The following NTN4 variants were observed in gnomAD, a reference collection of about 807,000 sequenced individuals.
The protein encoded by NTN4 is netrin 4, also known as netrin-4.
NTN4 carries 32 observed loss-of-function variants against 73.6 expected under a neutral mutation model. The ratio of observed to expected loss-of-function variants is 0.44; its 90% CI spans 0.33 to 0.58. The LOEUF (loss-of-function observed/expected upper bound fraction) is 0.58. Ranked by LOEUF, NTN4 falls within the 20% of genes least tolerant of loss-of-function variation. The pLI is 0.04. For missense variants in NTN4, 654 were observed against 798.3 expected (o/e 0.82, Z 2.18); for synonymous variants, 258 against 287.5 (o/e 0.90, Z 1.04).
At chr12:95,698,200 A>G (rs1565888170) in intron 5 of NTN4, among the ~76,000 whole-genome samples, 1 of 152,174 alleles carries the variant, frequency 6.6e-6, no homozygotes. Flanking sequence ...ACTGTAATCA[A>G]TTTAAGTCTC....
intron 2 of NTN4, among the ~76,000 whole-genome samples, chr12:95,771,236 G>A (rs180706617): frequency 2.5e-3 from 377 of 152,148 alleles, no homozygotes; most frequent in Non-Finnish European, 4.3e-3. Context: ...AGATCTGCCC[G>A]CCTCGGCTTC....
chr12:95,758,313 T>C (rs1330257545), intron 2 of NTN4, among the ~76,000 whole-genome samples: 1 of 152,228 alleles, frequency 6.6e-6, no homozygotes, highest in Non-Finnish European at 1.5e-5. Context: ...TTTTAGTTTG[T>C]ATTTCCCTGT....
chr12:95,741,228 A>G (rs567238100), intron 2 of NTN4, among the ~76,000 whole-genome samples: 1 of 151,508 alleles, frequency 6.6e-6, no homozygotes, highest in South Asian at 2.1e-4. Flanking sequence ...AACTGCAGAC[A>G]GTACTGAACC....
chr12:95,712,063 G>A (rs1235963509), intron 4 of NTN4, among the ~76,000 whole-genome samples: 1 of 152,158 alleles, frequency 6.6e-6, no homozygotes, highest in Non-Finnish European at 1.5e-5. Flanking sequence ...TTACGTATGG[G>A]AAGAGACTTC....
In NTN4 at chr12:95,671,883, G is replaced by A. The variant is rs118065210; in HGVS notation, c.1511-1737C>T. On this transcript the variant is annotated intron_variant, in intron 7 of 9. Transcript: ENST00000343702. Reference sequence around the variant, plus strand: ...CTGCCCCCTCCTGCCCTCATGCACTGCATTTCATAGGCATTGAGTGGTCAT... The same window carrying A: ...CTGCCCCCTCCTGCCCTCATGCACTACATTTCATAGGCATTGAGTGGTCAT... Among the ~76,000 whole-genome samples, 919 of 152,166 alleles carry A rather than the reference G, an allele frequency of 6.0e-3. 6 individuals carry two copies. Among genetic ancestry groups the A allele is most frequent in the Middle Eastern group, 0.024 (7 of 294 alleles).
intron 2 of NTN4, among the ~76,000 whole-genome samples, chr12:95,783,215 T>A (rs2079145291): frequency 1.3e-5 from 2 of 152,204 alleles, no homozygotes; most frequent in African/African-American, 4.8e-5. Context: ...CGCTGCGCTC[T>A]GTGGATCATT....
At chr12:95,674,351 A>G (rs139380592) in intron 7 of NTN4, among the ~76,000 whole-genome samples, 9 of 152,284 alleles carry the variant, frequency 5.9e-5, no homozygotes, top group East Asian at 1.9e-4. Flanking sequence ...ACATAGGTCT[A>G]TTGTTTGATG....
At chr12:95,754,384 C>A (rs2078932630) in intron 2 of NTN4, among the ~76,000 whole-genome samples, 1 of 152,120 alleles carries the variant, frequency 6.6e-6, no homozygotes, top group Non-Finnish European at 1.5e-5. Flanking sequence ...CATACCACCC[C>A]CAAAAATTTT....
At chr12:95,676,853 AAAG>A (rs1233048314) in intron 7 of NTN4, among the ~76,000 whole-genome samples, 2 of 152,216 alleles carry the variant, frequency 1.3e-5, no homozygotes, top group Non-Finnish European at 2.9e-5. Context: ...TTAGGGACAA[AAAG>A]AAGATTAAGG....
chr12:95,693,285 T>TG (rs887519358), intron 5 of NTN4, among the ~76,000 whole-genome samples: 12 of 105,790 alleles, frequency 1.1e-4, no homozygotes, highest in Non-Finnish European at 2.2e-4. Context: ...TGTAGATATG[T>TG]TTTTTTTTTT....
At position 95,713,375 on chromosome 12, in the gene NTN4, T is replaced by G. The variant is rs149011653; in HGVS notation, c.865-37A>C. ...ATCAAGTGAGAACTATGAGCACACA[T>G]GTCGCCAAAGAAGAACAGAACATGC... On this transcript the variant is annotated intron_variant, in intron 3 of 9. Coordinates refer to ENST00000343702, the MANE Select transcript of NTN4 (RefSeq NM_021229.4). 118 of 1,529,342 alleles carry G rather than the reference T, an allele frequency of 7.7e-5. No homozygotes were observed. In the African/African-American group the frequency reaches 1.4e-3, roughly 19 times the overall value. The allele number at this position is 1,529,342 out of a possible 1,614,324, so 94.7% of individuals were successfully genotyped here.
intron 7 of NTN4, among the ~76,000 whole-genome samples, chr12:95,679,842 C>T (rs916357584): frequency 1.3e-5 from 2 of 152,118 alleles, no homozygotes; most frequent in Admixed American, 6.5e-5. Context: ...GTTATATTTC[C>T]TCTTCCACTT....
chr12:95,741,430 TATA>T (rs2078823705), intron 2 of NTN4, among the ~76,000 whole-genome samples: 4 of 11,258 alleles, frequency 3.6e-4, no homozygotes, highest in Non-Finnish European at 6.6e-4. Flanking sequence ...GTATAAATTA[TATA>T]TATATATATA....
chr12:95,780,374 T>A (rs1486407619), intron 2 of NTN4, among the ~76,000 whole-genome samples: 1 of 152,122 alleles, frequency 6.6e-6, no homozygotes. Context: ...ATCTACAGAA[T>A]GAGAGAAAAT....
chr12:95,681,072 A>C (rs774182795), intron 7 of NTN4, among the ~76,000 whole-genome samples: 1 of 151,576 alleles, frequency 6.6e-6, no homozygotes, highest in Non-Finnish European at 1.5e-5. Context: ...GCCTGTAATC[A>C]CAGCTATTTG....
At chr12:95,787,852 TGTGTTTTTGAA>T (rs974969056) in intron 1 of NTN4, among the ~76,000 whole-genome samples, 3 of 152,242 alleles carry the variant, frequency 2.0e-5, no homozygotes, top group African/African-American at 7.2e-5. Flanking sequence ...AATACATTGA[TGTGTTTTTGAA>T]GTCATGACTA....
chr12:95,749,571 T>A (rs948059861), intron 2 of NTN4, among the ~76,000 whole-genome samples: 2 of 152,194 alleles, frequency 1.3e-5, no homozygotes, highest in Non-Finnish European at 2.9e-5. Flanking sequence ...ACACATTTTA[T>A]CCGTGCACCC....
intron 7 of NTN4, among the ~76,000 whole-genome samples, chr12:95,679,813 T>C (rs983391241): frequency 6.6e-6 from 1 of 152,148 alleles, no homozygotes; most frequent in African/African-American, 2.4e-5. Context: ...AAGGTCCTCA[T>C]AGTGGCCTCT....
chr12:95,686,553 G>A (rs1350611687), intron 5 of NTN4, among the ~76,000 whole-genome samples: 1 of 151,882 alleles, frequency 6.6e-6, no homozygotes, highest in African/African-American at 2.4e-5. Flanking sequence ...GAGGTCAGGA[G>A]ATCGAGGCCA....
Sources: gnomAD v4.1 joint callset for allele counts (sites outside exome capture counted in the v4.1 genomes callset) on GRCh38, gnomAD v4.1.1 for gene constraint, MANE v1.5 for transcripts, NCBI Gene and HGNC (gene_info 2026-07-23, HGNC 2026-07-21) for gene names.